The following ERCC1 variants were observed in gnomAD, a reference collection of about 807,000 sequenced individuals.
The protein encoded by ERCC1 is ERCC excision repair 1, endonuclease non-catalytic subunit.
A neutral mutation model predicts 37.6 loss-of-function variants in ERCC1; 36 were observed. The ratio of observed to expected loss-of-function variants is 0.96; its 90% CI spans 0.73 to 1.26. The LOEUF (loss-of-function observed/expected upper bound fraction) is 1.26, where lower values mean the gene tolerates loss of function less well. Among genes scored for constraint, ERCC1 ranks in the 50% most tolerant of loss-of-function variants. The pLI is 0.00. For synonymous variants in ERCC1, 156 were observed against 162.1 expected, an observed-to-expected ratio of 0.96 and a Z score of 0.28; for missense variants, 349 against 376.5, an observed-to-expected ratio of 0.93 and a Z score of 0.60.
chr19:45,423,419 C>G (rs750050849), intron 1 of ERCC1, 38 bp from the exon 2 acceptor site: 3 of 1,574,302 alleles, frequency 1.9e-6, no homozygotes, highest in Non-Finnish European at 2.6e-6. Context: ...GAGCCACTGG[C>G]GTCTACGTTC....
chr19:45,444,447 A>AGGCCC (rs2123613673), intron 1 of ERCC1, among the ~76,000 whole-genome samples: 1 of 152,090 alleles, frequency 6.6e-6, no homozygotes, highest in Non-Finnish European at 1.5e-5. Context: ...TCCAGGCAAC[A>AGGCCC]GGCCCCGCCC....
chr19:45,421,372 T>C lies in ERCC1; in HGVS notation c.127A>G (p.Thr43Ala). The change falls in exon 3 of 10, where the codon ACA (threonine) becomes GCA (alanine). Residue 43 changes from threonine (T) to alanine (A), a missense_variant. Physicochemically the swap from Thr to Ala is moderately conservative, Grantham distance 58. Transcript: ENST00000300853. ...PGVAKPLFRS[T>A]QSLPTVDTSA... is the part of the protein sequence containing the mutation. ...GTGTCCACAGTGGGAAGGCTCTGTG[T>C]AGATCGGAATAAGGGCTTGGCCTGT... 1 of 1,612,254 alleles carries C rather than the reference T, an allele frequency of 6.2e-7. No individual in the cohort carries two copies. Among genetic ancestry groups the C allele is most frequent in the Non-Finnish European group, 8.5e-7 (1 of 1,178,916 alleles).
Position 45,408,276 on chromosome 19 carries a change from G to A in ERCC1, c.*1399C>T, listed in dbSNP as rs1345788884. The stretch of plus-strand genomic sequence containing the variant: ...CTGGCCCCCTCAACGGAGGCAGGAG[G>A]TGGACTCACCTGTGCCTCAGCCCCC... On this transcript the variant is annotated 3_prime_UTR_variant, in exon 10 of 10. Transcript: ENST00000300853. 1 of 1,613,968 alleles carries A rather than the reference G, an allele frequency of 6.2e-7. No individual in the cohort carries two copies. The highest frequency in any genetic ancestry group is 1.3e-5 in the African/African-American group (1 of 74,942).
At chr19:45,419,048 G>A in intron 5 of ERCC1, 50 bp downstream of exon 5, 7 of 1,299,666 alleles carry the variant, frequency 5.4e-6, no homozygotes, top group Non-Finnish European at 6.5e-6. Flanking sequence ...ACAGCCCACT[G>A]CACAACCTCA....
Position 45,420,866 on chromosome 19 carries a change from A to ACCTGCCTCAGCC in ERCC1, c.321+300_321+311dup, listed in dbSNP as rs1438006190. The stretch of plus-strand genomic sequence containing the variant: ...TCGAACTCCTGACCTCAGGTGATCC[A>ACCTGCCTCAGCC]CCTGCCTCAGCCTCTCCAAAGTGCT... On this transcript the variant is annotated intron_variant, in intron 3 of 9. Transcript: ENST00000300853. The surrounding 1 kb of genome is among the most constrained non-coding windows in gnomAD (Gnocchi z 4.8). Among the ~76,000 whole-genome samples the ACCTGCCTCAGCC allele has an allele frequency of 1.3e-5, 2 of 152,004 alleles. No individual in the cohort carries two copies. The highest frequency in any genetic ancestry group is 2.9e-5 in the Non-Finnish European group (2 of 67,980).
At chr19:45,433,448 C>T (rs1384031988) in intron 1 of ERCC1, among the ~76,000 whole-genome samples, 3 of 152,118 alleles carry the variant, frequency 2.0e-5, no homozygotes, top group East Asian at 3.9e-4. Context: ...ATCGCTTGAA[C>T]CTGGGAGGTG....
intron 4 of ERCC1, 170 bp from the exon 5 acceptor site, chr19:45,419,367 T>C (rs1172057055): frequency 1.6e-6 from 1 of 628,120 alleles, no homozygotes; most frequent in South Asian, 1.7e-5. Context: ...TCCAAGAAGA[T>C]GCTCCGCAGG....
rs772941647 is a variant in ERCC1 at position 45,409,129 on chromosome 19, G to A, written c.*546C>T. 7 of 1,613,162 alleles carry A rather than the reference G, an allele frequency of 4.3e-6. No homozygotes were observed. Among genetic ancestry groups the A allele is most frequent in the Admixed American group, 3.3e-5 (2 of 59,956 alleles). ...CTCTGGCAGCTCCCAAAAAGAAGAC[G>A]AAGAAAGAAAAACAGCAAGATGCCA... On this transcript the variant is annotated 3_prime_UTR_variant, in exon 10 of 10. Transcript: ENST00000300853.
chr19:45,409,151 G>C lies in ERCC1; in HGVS notation c.*524C>G. 6.2e-7 allele frequency: 1 copy of C among 1,613,198 alleles called. No homozygotes were observed. Among genetic ancestry groups the C allele is most frequent in the Non-Finnish European group, 8.5e-7 (1 of 1,179,414 alleles). ...GACGAAGAAAGAAAAACAGCAAGAT[G>C]CCACAGTGGAGCCAGAGACAGAGGT... On this transcript the variant is annotated 3_prime_UTR_variant, in exon 10 of 10. Coordinates refer to ENST00000300853, the MANE Select transcript of ERCC1 (RefSeq NM_001983.4).
intron 8 of ERCC1, 90 bp from the exon 9 acceptor site, chr19:45,413,835 A>C: frequency 6.3e-7 from 1 of 1,595,838 alleles, no homozygotes; most frequent in Admixed American, 1.7e-5. Context: ...TCCCCAGGGG[A>C]GATGAGGGCC....
intron 6 of ERCC1, among the ~76,000 whole-genome samples, chr19:45,415,382 A>G (rs1353956176): frequency 6.6e-6 from 1 of 151,252 alleles, no homozygotes; most frequent in African/African-American, 2.4e-5. Context: ...CACGCCTATA[A>G]TCCCAGCACT....
chr19:45,439,048 T>C (rs1452774313), intron 1 of ERCC1, among the ~76,000 whole-genome samples: 1 of 152,064 alleles, frequency 6.6e-6, no homozygotes, highest in Non-Finnish European at 1.5e-5. Flanking sequence ...TAGCCAGCCG[T>C]TGTGGCGCAT....
chr19:45,430,634 G>A (rs1250942367), intron 1 of ERCC1, among the ~76,000 whole-genome samples: 1 of 152,040 alleles, frequency 6.6e-6, no homozygotes, highest in Non-Finnish European at 1.5e-5. Context: ...TATCATAAGC[G>A]GGGCGCGGTG....
At position 45,414,987 on chromosome 19, in the gene ERCC1, G is replaced by C. The variant is rs41558212; in HGVS notation, c.603-27C>G. ...TGGGATAACAGGATACAGGGCAGCCGGGAGGTGAGGTATCAGATTATAGAT... is the reference window on the plus strand; with the variant it reads ...TGGGATAACAGGATACAGGGCAGCCCGGAGGTGAGGTATCAGATTATAGAT... On this transcript the variant is annotated intron_variant, in intron 6 of 9. Coordinates refer to ENST00000300853, the MANE Select transcript of ERCC1 (RefSeq NM_001983.4). 6 of 1,519,076 alleles carry C rather than the reference G, an allele frequency of 3.9e-6. No homozygotes were observed. In the Admixed American group the frequency reaches 1.0e-4, roughly 25 times the overall value. The allele number at this position is 1,519,076 out of a possible 1,614,324, so 94.1% of individuals were successfully genotyped here.
At chr19:45,437,438 A>T (rs1341579715) in intron 1 of ERCC1, among the ~76,000 whole-genome samples, 1 of 152,180 alleles carries the variant, frequency 6.6e-6, no homozygotes, top group Non-Finnish European at 1.5e-5. Context: ...TAGCCAAGAT[A>T]TGGAGTCAAC....
intron 9 of ERCC1, among the ~76,000 whole-genome samples, chr19:45,412,405 C>T (rs1973798107): frequency 6.6e-6 from 1 of 152,226 alleles, no homozygotes; most frequent in East Asian, 1.9e-4. Context: ...GTGATCTGCC[C>T]GCCTCGGCCT....
At position 45,407,946 on chromosome 19, in the gene ERCC1, T is replaced by A. The variant is rs1229910511; in HGVS notation, c.*1729A>T. 1 of 680,832 alleles carries A rather than the reference T, an allele frequency of 1.5e-6. No individual in the cohort carries two copies. The highest frequency in any genetic ancestry group is 2.2e-6 in the Non-Finnish European group (1 of 454,618). 42.2% of individuals were successfully genotyped at this position (680,832 alleles called of 1,614,324 possible). ...GCAGGTGCCTGTAATCCCAGCTACT[T>A]GAGAGGCTGAGGCAGGAGAATCGCT... On this transcript the variant is annotated 3_prime_UTR_variant, in exon 10 of 10. Transcript: ENST00000300853.
At chr19:45,433,024 G>A (rs1974874188) in intron 1 of ERCC1, among the ~76,000 whole-genome samples, 1 of 152,144 alleles carries the variant, frequency 6.6e-6, no homozygotes, top group African/African-American at 2.4e-5. Flanking sequence ...AGTTTGCGGT[G>A]AGCCGAGATC....
intron 6 of ERCC1, among the ~76,000 whole-genome samples, chr19:45,416,139 AAAT>A (rs1225166164): frequency 6.6e-6 from 1 of 152,170 alleles, no homozygotes; most frequent in Non-Finnish European, 1.5e-5. Context: ...TGTCTCAAAA[AAAT>A]AATAATAAAG....
Sources: allele counts gnomAD v4.1 joint callset (sites outside exome capture counted in the v4.1 genomes callset), GRCh38; gene constraint gnomAD v4.1.1; non-coding constraint Gnocchi (gnomAD v3.1); transcripts MANE v1.5; gene names NCBI Gene and HGNC (gene_info 2026-07-23, HGNC 2026-07-21).